RBM12B: variants seen among roughly 807,000 people sequenced by gnomAD.
The protein encoded by RBM12B is RNA binding motif protein 12B.
In RBM12B, 10 loss-of-function variants were observed where a neutral mutation model predicts 34.3. The ratio of observed to expected loss-of-function variants is 0.29; its 90% confidence interval spans 0.18 to 0.49. RBM12B has a LOEUF of 0.49. RBM12B is among the 20% of genes least tolerant of loss of function. The pLI is 0.99. For missense variants in RBM12B, 1,139 were observed against 1,262.7 expected (o/e 0.90, Z 1.48); for synonymous variants, 477 against 437.1 (o/e 1.09, Z -1.14).
In RBM12B at chr8:93,733,329, AC is replaced by A; in HGVS notation, c.*75del. Reference sequence around the variant, plus strand: ...TTTCATTAGATAATTTAAAAAAAAAACACTTTTTTAAAACAAATGTATTTTA... The same window carrying A: ...TTTCATTAGATAATTTAAAAAAAAAAACTTTTTTAAAACAAATGTATTTTA... On this transcript the variant is annotated 3_prime_UTR_variant, in exon 4 of 4. Coordinates refer to ENST00000520560, the MANE Select transcript of RBM12B (RefSeq NM_001377960.1). The A allele has an allele frequency of 8.4e-7, 1 of 1,192,998 alleles. No individual in the cohort carries two copies. The highest frequency in any genetic ancestry group is 1.1e-6 in the Non-Finnish European group (1 of 899,914). 73.9% of individuals were successfully genotyped at this position (1,192,998 alleles called of 1,614,324 possible).
At chr8:93,740,232 T>G in intron 2 of RBM12B, 1 of 450,988 alleles carries the variant, frequency 2.2e-6, no homozygotes, top group South Asian at 1.6e-5. Flanking sequence ...TAGGAAGAAC[T>G]GTAAATGAAG....
Position 93,736,344 on chromosome 8 carries a change from A to G in RBM12B, c.67T>C (p.Phe23Leu). 6.2e-7 allele frequency: 1 copy of G among 1,613,538 alleles called. No homozygotes were observed. Among genetic ancestry groups the G allele is most frequent in the East Asian group, 2.2e-5 (1 of 44,890 alleles). ...CCATCAGGAATAGTCAATCCCGTGA[A>G]GAAGTGACGAATATCCACAGGCCCC... ...IAGPVDIRHF[F>L]TGLTIPDGGV... The change falls in exon 4 of 4, where the codon TTC (phenylalanine) becomes CTC (leucine). Residue 23 changes from phenylalanine (F) to leucine (L), a missense_variant. By Grantham distance (22) the Phe-to-Leu change is conservative. Transcript: ENST00000520560.
In RBM12B at chr8:93,734,137, T is replaced by A. The variant is rs568301845; in HGVS notation, c.2274A>T (p.Pro758=). The A allele has an allele frequency of 1.3e-6, 2 of 1,554,510 alleles. No individual in the cohort carries two copies. The highest frequency in any genetic ancestry group is 4.5e-5 in the East Asian group (2 of 44,202). ...GTGGCCGCCTGAAGTGCTCTGGGGG[T>A]GGCCGCCGGAAGTGCTCTGGGGGAG... ...RRPPPEHFRR[P]PPEHFRRPPP... Residue 758 remains proline (P), a synonymous_variant, in exon 4 of 4, where the codon CCA becomes CCT. Transcript: ENST00000520560.
chr8:93,733,596 T>A lies in RBM12B; in HGVS notation c.2815A>T (p.Asn939Tyr). 6.2e-7 allele frequency: 1 copy of A among 1,613,494 alleles called. No individual in the cohort carries two copies. The highest frequency in any genetic ancestry group is 1.1e-5 in the South Asian group (1 of 91,078). Residue 939 changes from asparagine to tyrosine, a missense_variant, in exon 4 of 4, where the codon AAT (asparagine) becomes TAT (tyrosine). Asn to Tyr is a moderately radical substitution (Grantham distance 143, BLOSUM62 -2). Coordinates refer to ENST00000520560, the MANE Select transcript of RBM12B (RefSeq NM_001377960.1). ...IMNLPFKANV[N>Y]EILDFFHGYR... is the part of the protein sequence containing the mutation. ...CCATGGAAAAAGTCTAAAATTTCAT[T>A]CACATTAGCTTTAAATGGAAGATTC...
chr8:93,740,674 G>A lies in RBM12B; in HGVS notation c.-123C>T. ...TTCACTCTCAAGATCCCTGGGAAGC[G>A]CACATACACCACCACATGGAAGCTG... On this transcript the variant is annotated 5_prime_UTR_variant, in exon 2 of 4. Transcript: ENST00000520560. The A allele has an allele frequency of 2.7e-6, 1 of 371,724 alleles. No individual in the cohort carries two copies. The highest frequency in any genetic ancestry group is 2.0e-5 in the South Asian group (1 of 49,166). The allele number at this position is 371,724 out of a possible 1,614,324, so 23.0% of individuals were successfully genotyped here. A position where few individuals can be genotyped will look rare whatever the true frequency, so the allele number is the denominator to read the frequency against.
At chr8:93,738,274 C>G (rs902312300) in intron 2 of RBM12B, among the ~76,000 whole-genome samples, 8 of 152,182 alleles carry the variant, frequency 5.3e-5, no homozygotes, top group Admixed American at 5.2e-4. Flanking sequence ...CTATTCTGCA[C>G]TCTACTAAGG....
rs763958160 is a variant in RBM12B at position 93,730,369 on chromosome 8, T to C, written c.*3036A>G. On this transcript the variant is annotated 3_prime_UTR_variant, in exon 4 of 4. Transcript: ENST00000520560. Reference sequence around the variant, plus strand: ...TTTTACCTATCTCTTGGTTGTGGGATTGACTTTCTAGACATGATCTACATT... The same window carrying C: ...TTTTACCTATCTCTTGGTTGTGGGACTGACTTTCTAGACATGATCTACATT... 6.6e-6 allele frequency: 1 copy of C among 152,168 alleles called. No homozygotes were observed. Among genetic ancestry groups the C allele is most frequent in the Non-Finnish European group, 1.5e-5 (1 of 68,026 alleles). 9.4% of individuals were successfully genotyped at this position (152,168 alleles called of 1,614,324 possible).
rs368233117 is a variant in RBM12B, at chr8:93,735,364, T to C, written c.1047A>G (p.Gln349=). The C allele has an allele frequency of 3.6e-5, 58 of 1,613,822 alleles. No homozygotes were observed. Among genetic ancestry groups the C allele is most frequent in the South Asian group, 2.3e-4 (21 of 91,082 alleles). The change falls in exon 4 of 4, where the codon CAA becomes CAG. Residue 349 remains glutamine (Q), a synonymous_variant. Transcript: ENST00000520560. ...TALSLHKTVL[Q]YRPVHIDPIS... ...TTGGATCAATATGAACTGGACGATA[T>C]TGTAAAACAGTCTTATGTAAACTCA...
chr8:93,736,558 C>T (rs1043499508), intron 3 of RBM12B, 120 bp from the exon 4 acceptor site: 2 of 734,862 alleles, frequency 2.7e-6, no homozygotes, highest in Middle Eastern at 2.9e-4. Context: ...AAACAAGATA[C>T]AAGTTCACAA....
chr8:93,734,331 G>A lies in RBM12B; in HGVS notation c.2080C>T (p.Pro694Ser). The stretch of plus-strand genomic sequence containing the variant: ...GGCCGCCTGAAGTCATCCTCGGGTG[G>A]TCGCCTCCATTCTCCCTGAAGAGGC... Reference protein sequence around the residue: ...RRPLQGEWRRPPEDDFRRPPE... With the variant: ...RRPLQGEWRRSPEDDFRRPPE... The change falls in exon 4 of 4, where the codon CCA becomes TCA. Residue 694 changes from proline (P) to serine (S), a missense_variant. Coordinates refer to ENST00000520560, the MANE Select transcript of RBM12B (RefSeq NM_001377960.1). 1 of 1,612,900 alleles carries A rather than the reference G, an allele frequency of 6.2e-7. No homozygotes were observed.
Position 93,733,220 on chromosome 8 carries a change from A to G in RBM12B, c.*185T>C, listed in dbSNP as rs1359284091. 4.8e-6 allele frequency: 2 copies of G among 414,870 alleles called. No homozygotes were observed. The highest frequency in any genetic ancestry group is 8.1e-6 in the Non-Finnish European group (2 of 245,512). 25.7% of individuals were successfully genotyped at this position (414,870 alleles called of 1,614,324 possible). On this transcript the variant is annotated 3_prime_UTR_variant, in exon 4 of 4. Transcript: ENST00000520560. Reference sequence around the variant, plus strand: ...GTAATTTTAAATTTGAAAAAAAAAAAGAATGGCAATTTGCAAGCAAAAGAA... The same window carrying G: ...GTAATTTTAAATTTGAAAAAAAAAAGGAATGGCAATTTGCAAGCAAAAGAA...
At chr8:93,739,967 C>G (rs938314042) in intron 2 of RBM12B, among the ~76,000 whole-genome samples, 12 of 152,154 alleles carry the variant, frequency 7.9e-5, no homozygotes, top group African/African-American at 2.7e-4. Context: ...AATATCTCAT[C>G]AGATCCATTT....
At chr8:93,740,534 T>C (rs978443440) in intron 2 of RBM12B, 95 bp downstream of exon 2, 1 of 456,704 alleles carries the variant, frequency 2.2e-6, no homozygotes, top group Non-Finnish European at 4.4e-6. Context: ...CAGATCTAAC[T>C]GAAAACACTT....
rs751145471 is a variant in RBM12B at position 93,734,007 on chromosome 8, C to A, written c.2404G>T (p.Asp802Tyr). Residue 802 changes from aspartate to tyrosine, a missense_variant, in exon 4 of 4, where the codon GAT becomes TAT. Asp to Tyr is a radical substitution (Grantham distance 160, BLOSUM62 -3). This residue lies in a region of RBM12B where 863 missense variants were observed against 869.5 expected (regional missense o/e 0.99). Coordinates refer to ENST00000520560, the MANE Select transcript of RBM12B (RefSeq NM_001377960.1). ...QEHFRRSREEDFRHPPDEDFR... is the reference protein window; with the variant it reads ...QEHFRRSREEYFRHPPDEDFR... ...TCTTCATCTGGTGGGTGCCTGAAATCTTCCTCTCGGGAGCGCCTGAAATGC... is the reference window on the plus strand; with the variant it reads ...TCTTCATCTGGTGGGTGCCTGAAATATTCCTCTCGGGAGCGCCTGAAATGC... 16 of 1,611,378 alleles carry A rather than the reference C, an allele frequency of 9.9e-6. No individual in the cohort carries two copies. The East Asian group carries it at 3.3e-4, about 34-fold the overall frequency.
chr8:93,735,103 GTCA>G lies in RBM12B; in HGVS notation c.1305_1307del (p.Asp436del), dbSNP rs1270242226. 1 of 1,614,034 alleles carries G rather than the reference GTCA, an allele frequency of 6.2e-7. No individual in the cohort carries two copies. The highest frequency in any genetic ancestry group is 2.2e-5 in the East Asian group (1 of 44,868). On this transcript the variant is annotated inframe_deletion, in exon 4 of 4. Coordinates refer to ENST00000520560, the MANE Select transcript of RBM12B (RefSeq NM_001377960.1). ...ATGCTTCTCCCAGACCAACACCTTTGTCATCATAAAGCAAGTAAATGTCATCCT... is the reference window on the plus strand; with the variant it reads ...ATGCTTCTCCCAGACCAACACCTTTGTCATAAAGCAAGTAAATGTCATCCT...
In RBM12B at chr8:93,734,904, C is replaced by G. The variant is rs371589399; in HGVS notation, c.1507G>C (p.Glu503Gln). The G allele has an allele frequency of 1.1e-5, 17 of 1,614,054 alleles. No individual in the cohort carries two copies. Among genetic ancestry groups the G allele is most frequent in the Non-Finnish European group, 1.4e-5 (17 of 1,179,984 alleles). Residue 503 changes from glutamate to glutamine, a missense_variant, in exon 4 of 4, where the codon GAG (glutamate) becomes CAG (glutamine). This residue lies in a region of RBM12B where 863 missense variants were observed against 869.5 expected (regional missense o/e 0.99). Transcript: ENST00000520560. Reference sequence around the variant, plus strand: ...AATAAATGGGAATGGTCACCTCGCTCACGTGACTGTGAGCGAGCTTGCATT... The same window carrying G: ...AATAAATGGGAATGGTCACCTCGCTGACGTGACTGTGAGCGAGCTTGCATT... The part of the protein sequence containing the change: ...EKMQARSQSR[E>Q]RGDHSHLFDS...
Position 93,734,562 on chromosome 8 carries a change from C to T in RBM12B, c.1849G>A (p.Glu617Lys). The T allele has an allele frequency of 6.2e-7, 1 of 1,613,716 alleles. No homozygotes were observed. Among genetic ancestry groups the T allele is most frequent in the Non-Finnish European group, 8.5e-7 (1 of 1,179,866 alleles). ...PEDDFRHPRE[E>K]DWRRPLEEDW... is the part of the protein sequence containing the mutation. ...TCCTCAAGGGGCCTCCTCCAGTCCT[C>T]CTCCCTAGGGTGCCTGAAGTCATCC... is the stretch of plus-strand genomic sequence containing the variant. Residue 617 changes from glutamate (E) to lysine (K), a missense_variant, in exon 4 of 4, where the codon GAG (glutamate) becomes AAG (lysine). By Grantham distance (56) the Glu-to-Lys change is moderately conservative (BLOSUM62 1). Around this residue, in one of 3 missense-constraint regions of RBM12B, gnomAD observed 863 missense variants for 869.5 expected, o/e 0.99. Transcript: ENST00000520560.
At position 93,733,675 on chromosome 8, in the gene RBM12B, C is replaced by T; in HGVS notation, c.2736G>A (p.Met912Ile). ...NMGSFPEGRF[M>I]PDPKINCGSG... Reference sequence around the variant, plus strand: ...AACCACAATTTATTTTTGGATCAGGCATAAATCTCCCCTCAGGAAAACTTC... The same window carrying T: ...AACCACAATTTATTTTTGGATCAGGTATAAATCTCCCCTCAGGAAAACTTC... Residue 912 changes from methionine (M) to isoleucine (I), a missense_variant, in exon 4 of 4, where the codon ATG becomes ATA. This residue lies in a region of RBM12B where 863 missense variants were observed against 869.5 expected (regional missense o/e 0.99). Transcript: ENST00000520560. 1.9e-6 allele frequency: 3 copies of T among 1,613,968 alleles called. No homozygotes were observed. Among genetic ancestry groups the T allele is most frequent in the Non-Finnish European group, 2.5e-6 (3 of 1,180,020 alleles).
intron 3 of RBM12B, among the ~76,000 whole-genome samples, chr8:93,736,942 C>G (rs562870203): frequency 6.6e-6 from 1 of 152,360 alleles, no homozygotes; most frequent in South Asian, 2.1e-4. Context: ...CATGATAGCT[C>G]ATGCCTGTAA....
Sources: gnomAD v4.1 joint callset for allele counts (sites outside exome capture counted in the v4.1 genomes callset) on GRCh38, gnomAD v4.1.1 for gene constraint, gnomAD v4.1.1 regional missense constraint, MANE v1.5 for transcripts, NCBI Gene and HGNC (gene_info 2026-07-23, HGNC 2026-07-21) for gene names.